The following FBXO11 variants were observed in gnomAD, a reference collection of about 807,000 sequenced individuals.
The protein encoded by FBXO11 is F-box only protein 11.
Under a neutral mutation model 117.0 loss-of-function variants are expected in FBXO11, and 13 were observed. The ratio of observed to expected loss-of-function variants is 0.11; its 90% CI spans 0.07 to 0.18. FBXO11 has a LOEUF of 0.18. Ranked by LOEUF, FBXO11 falls within the 10% of genes least tolerant of loss-of-function variation. The pLI, the probability that FBXO11 is intolerant of heterozygous loss-of-function variation, is 1.00. For missense variants in FBXO11, 767 were observed against 1,164.4 expected (o/e 0.66, Z 4.97); for synonymous variants, 490 against 380.5 (o/e 1.29, Z -3.35).
At chr2:47,860,856 T>C (rs1337122374) in intron 1 of FBXO11, among the ~76,000 whole-genome samples, 1 of 149,450 alleles carries the variant, frequency 6.7e-6, no homozygotes, top group Non-Finnish European at 1.5e-5. Flanking sequence ...TTTTTTTTTT[T>C]TTTTTTTGAG....
intron 1 of FBXO11, among the ~76,000 whole-genome samples, chr2:47,895,912 G>T (rs1460507240): frequency 1.3e-5 from 2 of 152,022 alleles, no homozygotes; most frequent in Non-Finnish European, 1.5e-5. Flanking sequence ...GGCCAGGCTG[G>T]TCTCGAACTC....
Position 47,886,559 on chromosome 2 carries a change from A to G in FBXO11, c.232+18930T>C, listed in dbSNP as rs118158872. On this transcript the variant is annotated intron_variant, in intron 1 of 22. Coordinates refer to ENST00000403359, the MANE Select transcript of FBXO11 (RefSeq NM_001190274.2). ...AAAATTGTGATATAAACATGTAAAG[A>G]TATTTGTATAGGGTTGTTTGCTGCA... 2.1e-4 allele frequency among the ~76,000 whole-genome samples: 32 copies of G among 152,228 alleles called. No homozygotes were observed. In the East Asian group the frequency reaches 4.8e-3, roughly 23 times the overall value.
At chr2:47,810,291 A>G in intron 19 of FBXO11, 25 bp downstream of exon 19, 1 of 1,463,834 alleles carries the variant, frequency 6.8e-7, no homozygotes, top group Non-Finnish European at 9.4e-7. Flanking sequence ...TATATAAGCC[A>G]CAGGTAAGAA....
intron 1 of FBXO11, among the ~76,000 whole-genome samples, chr2:47,874,862 C>A (rs1364775689): frequency 7.1e-6 from 1 of 141,314 alleles, no homozygotes; most frequent in Admixed American, 7.0e-5. Flanking sequence ...AACATTGTCT[C>A]AGGACTTTTT....
chr2:47,889,692 C>T (rs552679298), intron 1 of FBXO11, among the ~76,000 whole-genome samples: 1 of 151,882 alleles, frequency 6.6e-6, no homozygotes, highest in Admixed American at 6.6e-5. Flanking sequence ...TGTTTCAACA[C>T]CTAATAAATT....
intron 1 of FBXO11, among the ~76,000 whole-genome samples, chr2:47,842,779 TAA>T (rs34363506): frequency 9.7e-4 from 130 of 133,980 alleles, no homozygotes; most frequent in Middle Eastern, 3.8e-3. Flanking sequence ...AATTTTTCTT[TAA>T]AAAAAAAAAA....
At position 47,834,705 on chromosome 2, in the gene FBXO11, C is replaced by T; in HGVS notation, c.808G>A (p.Asp270Asn). The T allele has an allele frequency of 1.2e-6, 2 of 1,608,214 alleles. No homozygotes were observed. The highest frequency in any genetic ancestry group is 1.7e-6 in the Non-Finnish European group (2 of 1,178,090). Residue 270 changes from aspartate (D) to asparagine (N), a missense_variant, in exon 7 of 23, where the codon GAT becomes AAT. Asp to Asn is a conservative substitution (Grantham distance 23). Around this residue, in one of 10 missense-constraint regions of FBXO11, gnomAD observed 32 missense variants for 48.4 expected, o/e 0.66. Coordinates refer to ENST00000403359, the MANE Select transcript of FBXO11 (RefSeq NM_001190274.2). ...CCACCAAGGGCATCTTCAATAGTAT[C>T]ATAATACTAGAAAAAAATAAATGTG... ...YKGRENMLYY[D>N]TIEDALGGVQ...
chr2:47,885,944 C>A (rs373251103), intron 1 of FBXO11, among the ~76,000 whole-genome samples: 16 of 152,266 alleles, frequency 1.1e-4, no homozygotes, highest in African/African-American at 3.9e-4. Flanking sequence ...CAAACCATTT[C>A]AACCCTAACA....
At chr2:47,836,781 TTTTC>T (rs1270259548) in intron 4 of FBXO11, among the ~76,000 whole-genome samples, 1 of 152,122 alleles carries the variant, frequency 6.6e-6, no homozygotes, top group Non-Finnish European at 1.5e-5. Context: ...AAAAAGATAA[TTTTC>T]TTTCTTTTTC....
chr2:47,884,444 C>T (rs1477363352), intron 1 of FBXO11, among the ~76,000 whole-genome samples: 1 of 152,176 alleles, frequency 6.6e-6, no homozygotes, highest in Non-Finnish European at 1.5e-5. Context: ...CTGTCCCTTT[C>T]GGATGTTTTT....
intron 1 of FBXO11, among the ~76,000 whole-genome samples, chr2:47,862,187 C>G (rs182765767): frequency 2.6e-5 from 4 of 152,294 alleles, no homozygotes; most frequent in Middle Eastern, 6.8e-3. Flanking sequence ...TCCCAAAGTG[C>G]TGGGACTACA....
chr2:47,821,832 C>G (rs887279048), intron 13 of FBXO11, among the ~76,000 whole-genome samples: 1 of 152,022 alleles, frequency 6.6e-6, no homozygotes, highest in South Asian at 2.1e-4. Context: ...AGACTCACAC[C>G]TGCAATCCCA....
intron 1 of FBXO11, among the ~76,000 whole-genome samples, chr2:47,891,034 G>C (rs1343974960): frequency 6.6e-6 from 1 of 150,964 alleles, no homozygotes; most frequent in African/African-American, 2.4e-5. Context: ...ATGTTGCTCA[G>C]ACTAGTATCA....
In FBXO11 at chr2:47,833,051, G is replaced by A. The variant is rs1465563999; in HGVS notation, c.954C>T (p.Asp318=). 1 of 1,612,782 alleles carries A rather than the reference G, an allele frequency of 6.2e-7. No homozygotes were observed. Residue 318 remains aspartate, a synonymous_variant, in exon 8 of 23, where the codon GAC becomes GAT. Coordinates refer to ENST00000403359, the MANE Select transcript of FBXO11 (RefSeq NM_001190274.2). The part of the protein sequence containing the change: ...MIGAAPGKVA[D]KVIIENTRDS... The stretch of plus-strand genomic sequence containing the variant: ...CTCTAGTGTTTTCAATTATAACTTT[G>A]TCTGCCACTTTCCCAGGTGCTGTGG...
chr2:47,827,393 A>G (rs146787797), intron 11 of FBXO11, among the ~76,000 whole-genome samples: 8,470 of 152,094 alleles, frequency 0.056, 251 homozygotes, highest in Non-Finnish European at 0.069. Context: ...TGCAACCTCT[A>G]CCTCCTGGGT....
At chr2:47,853,548 CA>C (rs903700703) in intron 1 of FBXO11, among the ~76,000 whole-genome samples, 1 of 151,566 alleles carries the variant, frequency 6.6e-6, no homozygotes, top group Admixed American at 6.6e-5. Flanking sequence ...GATACAAGCT[CA>C]AAAAAAACTG....
intron 1 of FBXO11, among the ~76,000 whole-genome samples, chr2:47,850,903 T>C (rs1427129970): frequency 6.6e-6 from 1 of 152,198 alleles, no homozygotes; most frequent in African/African-American, 2.4e-5. Flanking sequence ...TCATATTTGT[T>C]CCCCTAGTTT....
intron 7 of FBXO11, among the ~76,000 whole-genome samples, chr2:47,834,132 T>G (rs1350137259): frequency 6.6e-6 from 1 of 152,148 alleles, no homozygotes; most frequent in Non-Finnish European, 1.5e-5. Context: ...GGCAAATCAC[T>G]TGAGGCCAGG....
rs1553340539 is a variant in FBXO11 at position 47,832,329 on chromosome 2, T to A, written c.1398+20A>T. The A allele has an allele frequency of 1.3e-6, 2 of 1,554,410 alleles. No homozygotes were observed. The highest frequency in any genetic ancestry group is 1.7e-6 in the Non-Finnish European group (2 of 1,151,712). Reference sequence around the variant, plus strand: ...ACTGATACAGAAGTCCGTTTTTCTATTAAAAATAAGTGTTCTTACCATGCC... The same window carrying A: ...ACTGATACAGAAGTCCGTTTTTCTAATAAAAATAAGTGTTCTTACCATGCC... On this transcript the variant is annotated intron_variant, in intron 11 of 22. Coordinates refer to ENST00000403359, the MANE Select transcript of FBXO11 (RefSeq NM_001190274.2).
Sources: gnomAD v4.1 joint callset for allele counts (sites outside exome capture counted in the v4.1 genomes callset) on GRCh38, gnomAD v4.1.1 for gene constraint, gnomAD v4.1.1 regional missense constraint, MANE v1.5 for transcripts, NCBI Gene and HGNC (gene_info 2026-07-23, HGNC 2026-07-21) for gene names.